The following RBFOX2 variants were observed in gnomAD, a reference collection of about 807,000 sequenced individuals.
RBFOX2 encodes the protein RNA binding fox-1 homolog 2.
Under a neutral mutation model 49.1 loss-of-function variants are expected in RBFOX2, and 10 were observed. That is an observed-to-expected ratio of 0.20 (90% CI 0.13 to 0.35). The LOEUF is 0.35. RBFOX2 is among the 10% of genes least tolerant of loss of function. The pLI is 1.00. For missense variants in RBFOX2, 323 were observed against 486.9 expected (o/e 0.66, Z 3.17); for synonymous variants, 183 against 187.4 (o/e 0.98, Z 0.19).
At chr22:35,961,115 T>C (rs2056153088) in intron 1 of RBFOX2, among the ~76,000 whole-genome samples, 1 of 152,242 alleles carries the variant, frequency 6.6e-6, no homozygotes, top group Non-Finnish European at 1.5e-5. Context: ...TTTCAGATTA[T>C]TTTTAAGTGT....
intron 1 of RBFOX2, among the ~76,000 whole-genome samples, chr22:35,986,411 C>T (rs1321947100): frequency 6.6e-6 from 1 of 152,116 alleles, no homozygotes; most frequent in African/African-American, 2.4e-5. Flanking sequence ...TAAAAGGCAA[C>T]ACAAGCTCAC....
intron 1 of RBFOX2, among the ~76,000 whole-genome samples, chr22:36,011,455 G>GA (rs2058819811): frequency 6.6e-6 from 1 of 152,054 alleles, no homozygotes; most frequent in Non-Finnish European, 1.5e-5. Context: ...CAGTAGACCA[G>GA]AATCTTAAGT....
At chr22:36,023,118 C>G (rs1194275148) in intron 1 of RBFOX2, among the ~76,000 whole-genome samples, 1 of 152,012 alleles carries the variant, frequency 6.6e-6, no homozygotes, top group Non-Finnish European at 1.5e-5. Flanking sequence ...TAGCACCATG[C>G]TTAGTTTCAG....
At chr22:36,004,774 C>T (rs559402428) in intron 1 of RBFOX2, among the ~76,000 whole-genome samples, 6 of 151,874 alleles carry the variant, frequency 4.0e-5, no homozygotes, top group South Asian at 2.1e-4. Flanking sequence ...CCAGCCTGGG[C>T]GACAAGAGTG....
intron 1 of RBFOX2, among the ~76,000 whole-genome samples, chr22:35,909,307 T>C (rs2049497267): frequency 6.6e-6 from 1 of 152,010 alleles, no homozygotes; most frequent in South Asian, 2.1e-4. Flanking sequence ...CATATATATA[T>C]GAAAAAATAT....
rs2059492389 is a variant in RBFOX2 at position 36,027,575 on chromosome 22, T to C, written c.186+665A>G. ...TATTTTGTGTCCTGGTGATGTAGAATGCAATTGGCAAAGAACAGGAGGGAC... is the reference window on the plus strand; with the variant it reads ...TATTTTGTGTCCTGGTGATGTAGAACGCAATTGGCAAAGAACAGGAGGGAC... On this transcript the variant is annotated intron_variant, in intron 1 of 13. Transcript: ENST00000438146. Among the ~76,000 whole-genome samples the C allele has an allele frequency of 2.0e-5, 3 of 152,180 alleles. No individual in the cohort carries two copies. The South Asian group carries it at 6.2e-4, about 32-fold the overall frequency.
intron 1 of RBFOX2, among the ~76,000 whole-genome samples, chr22:36,026,099 T>C (rs935094891): frequency 3.9e-5 from 6 of 152,020 alleles, no homozygotes; most frequent in Non-Finnish European, 8.8e-5. Context: ...ACCCCCTCTC[T>C]ACTAAAAATA....
rs573535682 is a variant in RBFOX2, at chr22:36,013,089, C to A, written c.186+15151G>T. Reference sequence around the variant, plus strand: ...TACTCAGTTCTTATTATATTATATCCTGGGCACAAGGCTACAAAAGTTAAC... The same window carrying A: ...TACTCAGTTCTTATTATATTATATCATGGGCACAAGGCTACAAAAGTTAAC... On this transcript the variant is annotated intron_variant, in intron 1 of 13. Transcript: ENST00000438146. Among the ~76,000 whole-genome samples, 20 of 152,156 alleles carry A rather than the reference C, an allele frequency of 1.3e-4. 1 individual carries two copies. In the South Asian group the frequency reaches 3.5e-3, roughly 27 times the overall value.
intron 1 of RBFOX2, among the ~76,000 whole-genome samples, chr22:35,936,237 CAAAAAAA>C (rs58153258): frequency 9.3e-5 from 6 of 64,530 alleles, no homozygotes; most frequent in South Asian, 1.0e-3. Flanking sequence ...CCAACAACAA[CAAAAAAA>C]AAAAAAAAAA....
chr22:35,882,693 T>G (rs5755974), intron 1 of RBFOX2, among the ~76,000 whole-genome samples: 33,910 of 152,084 alleles, frequency 0.22, 5,914 homozygotes, highest in African/African-American at 0.49. Context: ...TATATAGGAA[T>G]GCAAATGCTT....
chr22:35,987,824 T>C (rs987259174), intron 1 of RBFOX2, among the ~76,000 whole-genome samples: 11 of 152,216 alleles, frequency 7.2e-5, no homozygotes, highest in Non-Finnish European at 1.3e-4. Flanking sequence ...AAATGCTTAC[T>C]GACTGGTGCA....
At chr22:36,025,805 G>A (rs950735560) in intron 1 of RBFOX2, among the ~76,000 whole-genome samples, 5 of 151,606 alleles carry the variant, frequency 3.3e-5, no homozygotes, top group African/African-American at 1.2e-4. Context: ...GAGGTGGGTG[G>A]ATTACAAGGG....
chr22:36,021,038 C>T (rs1302531032), intron 1 of RBFOX2, among the ~76,000 whole-genome samples: 3 of 151,958 alleles, frequency 2.0e-5, no homozygotes, highest in African/African-American at 7.2e-5. Context: ...AAATGTGGCA[C>T]ATATACACCA....
At chr22:35,814,710 C>CAAAAAAA (rs55971445) in intron 1 of RBFOX2, among the ~76,000 whole-genome samples, 6 of 31,002 alleles carry the variant, frequency 1.9e-4, no homozygotes, top group African/African-American at 6.9e-4. Flanking sequence ...AACCCTGTCT[C>CAAAAAAA]AAAAAAAAAA....
chr22:35,874,830 G>A (rs140115369), intron 1 of RBFOX2, among the ~76,000 whole-genome samples: 351 of 152,268 alleles, frequency 2.3e-3, no homozygotes, highest in African/African-American at 8.1e-3. Context: ...CCAACTCCAA[G>A]TTCCTATGTT....
rs113644383 is a variant in RBFOX2, at chr22:35,760,762, A to C, written c.754+440T>G. ...TGTCCACTGAATCCTGTTTAATTAT[A>C]CCTCTTGCTGGAGTAAAATGGCTCA... On this transcript the variant is annotated intron_variant, in intron 8 of 11. Coordinates refer to ENST00000405409, the Ensembl canonical transcript of RBFOX2. 1.8e-3 allele frequency among the ~76,000 whole-genome samples: 280 copies of C among 152,236 alleles called. 2 individuals are homozygous for C. Among genetic ancestry groups the C allele is most frequent in the African/African-American group, 6.6e-3 (274 of 41,528 alleles).
chr22:35,984,014 ATTTT>A (rs1389489681), intron 1 of RBFOX2, among the ~76,000 whole-genome samples: 3 of 152,044 alleles, frequency 2.0e-5, no homozygotes, highest in Non-Finnish European at 4.4e-5. Context: ...CACTCAGATA[ATTTT>A]TTTAATAATT....
intron 1 of RBFOX2, among the ~76,000 whole-genome samples, chr22:35,985,902 G>GATGGATAGATA (rs2057691675): frequency 3.3e-4 from 48 of 144,072 alleles, no homozygotes; most frequent in African/African-American, 1.1e-3. Context: ...ATAGATAGAT[G>GATGGATAGATA]GATAGATAGA....
chr22:35,905,158 C>T (rs759565914), intron 1 of RBFOX2, among the ~76,000 whole-genome samples: 4 of 151,760 alleles, frequency 2.6e-5, no homozygotes, highest in Admixed American at 1.3e-4. Flanking sequence ...GGCTAATTGT[C>T]CACCAAAAAT....
Sources: allele counts gnomAD v4.1 joint callset (sites outside exome capture counted in the v4.1 genomes callset), GRCh38; gene constraint gnomAD v4.1.1; transcripts MANE v1.5; gene names NCBI Gene and HGNC (gene_info 2026-07-23, HGNC 2026-07-21).